Variants in UBXN7 observed in about 807,000 individuals in gnomAD.
UBXN7 encodes UBX domain-containing protein 7.
A neutral mutation model predicts 58.0 loss-of-function variants in UBXN7; 9 were observed. The observed-to-expected ratio is 0.16, with a 90% CI of 0.09 to 0.27. UBXN7 has a LOEUF of 0.27. Among genes scored for constraint, UBXN7 ranks in the 10% least tolerant of loss-of-function variants. The pLI is 1.00. For missense variants in UBXN7, 328 were observed against 599.6 expected, an observed-to-expected ratio of 0.55 and a Z score of 4.73; for synonymous variants, 208 against 205.0, an observed-to-expected ratio of 1.01 and a Z score of -0.12.
intron 1 of UBXN7, among the ~76,000 whole-genome samples, chr3:196,429,631 AC>A (rs1280945894): frequency 7.2e-5 from 11 of 152,228 alleles, no homozygotes; most frequent in African/African-American, 2.7e-4. Flanking sequence ...AATATAAAAT[AC>A]CTTTTAATTA....
In UBXN7 at chr3:196,349,120, T is replaced by A. The variant is rs1728154966; in HGVS notation, c.*7565A>T. 1 of 152,220 alleles carries A rather than the reference T, an allele frequency of 6.6e-6. No homozygotes were observed. Among genetic ancestry groups the A allele is most frequent in the African/African-American group, 2.4e-5 (1 of 41,452 alleles). The allele number at this position is 152,220 out of a possible 1,614,324, so 9.4% of individuals were successfully genotyped here. A position where few individuals can be genotyped will look rare whatever the true frequency, so the allele number is the denominator to read the frequency against. ...TCAAAGTCTAAGTATCGTGTTAGCA[T>A]CAACTGGTACTCATTTCTCTATATC... is the stretch of plus-strand genomic sequence containing the variant. On this transcript the variant is annotated 3_prime_UTR_variant, in exon 11 of 11. Transcript: ENST00000296328.
Position 196,432,176 on chromosome 3 carries a change from C to A in UBXN7, c.73+151G>T, listed in dbSNP as rs1292620336. 4 of 1,107,416 alleles carry A rather than the reference C, an allele frequency of 3.6e-6. No individual in the cohort carries two copies. In the East Asian group the frequency reaches 1.0e-4, roughly 29 times the overall value. The allele number at this position is 1,107,416 out of a possible 1,614,324, so 68.6% of individuals were successfully genotyped here. A position where few individuals can be genotyped will look rare whatever the true frequency, so the allele number is the denominator to read the frequency against. On this transcript the variant is annotated intron_variant, in intron 1 of 10. Coordinates refer to ENST00000296328, the MANE Select transcript of UBXN7 (RefSeq NM_015562.2). ...GTCTCCCGCCTGAACCCGGAGACCC[C>A]GACGCCGTCGTCGCCTCTTCCTCAG...
intron 1 of UBXN7, among the ~76,000 whole-genome samples, chr3:196,414,155 TTGTA>T (rs1172350405): frequency 6.6e-6 from 1 of 152,108 alleles, no homozygotes; most frequent in African/African-American, 2.4e-5. Flanking sequence ...TGGCTAATTT[TTGTA>T]TGTTTAGTAG....
intron 1 of UBXN7, among the ~76,000 whole-genome samples, chr3:196,429,903 A>C (rs1201547307): frequency 6.6e-6 from 1 of 152,210 alleles, no homozygotes; most frequent in Non-Finnish European, 1.5e-5. Context: ...GACGAACAGA[A>C]ACAGAATTAA....
rs1310664431 is a variant in UBXN7, at chr3:196,355,215, T to G, written c.*1470A>C. On this transcript the variant is annotated 3_prime_UTR_variant, in exon 11 of 11. Transcript: ENST00000296328. ...TCTAAATCCTCAACTGACAAAAAGG[T>G]CCATTTAATATTTTTCATTTTACAA... is the stretch of plus-strand genomic sequence containing the variant. 1.3e-5 allele frequency: 2 copies of G among 151,958 alleles called. No individual in the cohort carries two copies. The highest frequency in any genetic ancestry group is 2.9e-5 in the Non-Finnish European group (2 of 67,990). The allele number at this position is 151,958 out of a possible 1,614,324, so 9.4% of individuals were successfully genotyped here.
chr3:196,392,740 T>C (rs1438146815), intron 4 of UBXN7, among the ~76,000 whole-genome samples: 1 of 151,896 alleles, frequency 6.6e-6, no homozygotes, highest in South Asian at 2.1e-4. Flanking sequence ...GAGGTGAAGG[T>C]TGCAGTAAGC....
intron 7 of UBXN7, 27 bp downstream of exon 7, chr3:196,369,394 A>T: frequency 6.5e-7 from 1 of 1,528,556 alleles, no homozygotes; most frequent in Non-Finnish European, 9.0e-7. Context: ...TAATAGGTTA[A>T]AAGCTGCGTG....
At position 196,349,036 on chromosome 3, in the gene UBXN7, C is replaced by T. The variant is rs1008743607; in HGVS notation, c.*7649G>A. 6.6e-6 allele frequency: 1 copy of T among 152,204 alleles called. No homozygotes were observed. Among genetic ancestry groups the T allele is most frequent in the Non-Finnish European group, 1.5e-5 (1 of 68,040 alleles). 9.4% of individuals were successfully genotyped at this position (152,204 alleles called of 1,614,324 possible). A position where few individuals can be genotyped will look rare whatever the true frequency, so the allele number is the denominator to read the frequency against. On this transcript the variant is annotated 3_prime_UTR_variant, in exon 11 of 11. Coordinates refer to ENST00000296328, the MANE Select transcript of UBXN7 (RefSeq NM_015562.2). ...AAACCATTCTGGAAAAAAAGATTAT[C>T]AGAGGAGTGAAGAAAACCGTGTCTA...
chr3:196,350,399 AG>A lies in UBXN7; in HGVS notation c.*6285del, dbSNP rs929252978. On this transcript the variant is annotated 3_prime_UTR_variant, in exon 11 of 11. Transcript: ENST00000296328. ...AACTAGGGAGAAAATGAGCTATAAAAGTAAGTTTGCCTCAAAAATGTCCTTC... is the reference window on the plus strand; with the variant it reads ...AACTAGGGAGAAAATGAGCTATAAAATAAGTTTGCCTCAAAAATGTCCTTC... The A allele has an allele frequency of 6.6e-6, 1 of 152,250 alleles. No homozygotes were observed. Among genetic ancestry groups the A allele is most frequent in the Non-Finnish European group, 1.5e-5 (1 of 68,042 alleles). 9.4% of individuals were successfully genotyped at this position (152,250 alleles called of 1,614,324 possible).
At chr3:196,415,063 T>C (rs994095294) in intron 1 of UBXN7, among the ~76,000 whole-genome samples, 6 of 152,154 alleles carry the variant, frequency 3.9e-5, no homozygotes, top group East Asian at 1.9e-4. Flanking sequence ...TGCTACCATA[T>C]TCTTACTCAT....
intron 8 of UBXN7, among the ~76,000 whole-genome samples, chr3:196,365,196 C>T (rs1436318893): frequency 6.8e-6 from 1 of 146,524 alleles, no homozygotes; most frequent in Non-Finnish European, 1.5e-5. Flanking sequence ...GAATTAAATG[C>T]TTATATTAGA....
intron 3 of UBXN7, among the ~76,000 whole-genome samples, chr3:196,394,639 G>C (rs1027391084): frequency 6.6e-6 from 1 of 151,972 alleles, no homozygotes; most frequent in African/African-American, 2.4e-5. Context: ...TAATATCCAA[G>C]TGGTGATATC....
chr3:196,361,281 G>A (rs1430836911), intron 10 of UBXN7, among the ~76,000 whole-genome samples: 1 of 152,048 alleles, frequency 6.6e-6, no homozygotes. Flanking sequence ...AAAGGGAGGG[G>A]GGTTGCTTCT....
intron 1 of UBXN7, chr3:196,431,829 G>C (rs557632445): frequency 2.5e-6 from 1 of 400,944 alleles, no homozygotes; most frequent in Non-Finnish European, 5.1e-6. Context: ...CCAGGGCCAC[G>C]GCGATGGCTC....
chr3:196,428,357 G>A (rs1017910540), intron 1 of UBXN7, among the ~76,000 whole-genome samples: 2 of 151,642 alleles, frequency 1.3e-5, no homozygotes, highest in Non-Finnish European at 1.5e-5. Flanking sequence ...TGGAGGCTGA[G>A]GCAGGAGAAT....
chr3:196,401,218 CCTGA>C (rs751370145), intron 3 of UBXN7, among the ~76,000 whole-genome samples: 74 of 101,854 alleles, frequency 7.3e-4, no homozygotes, highest in Non-Finnish European at 1.2e-3. Context: ...TCAAGATCAG[CCTGA>C]CTAACATGGA....
chr3:196,359,867 T>C (rs888018804), intron 10 of UBXN7, among the ~76,000 whole-genome samples: 10 of 151,538 alleles, frequency 6.6e-5, no homozygotes, highest in Admixed American at 6.6e-4. Context: ...GATCGCACCA[T>C]TGTACTCTAG....
chr3:196,367,858 T>G (rs1206254925), intron 8 of UBXN7, among the ~76,000 whole-genome samples, 170 bp downstream of exon 8: 1 of 152,192 alleles, frequency 6.6e-6, no homozygotes, highest in African/African-American at 2.4e-5. Context: ...GATGGAACTC[T>G]CATGTGGGAA....
intron 5 of UBXN7, among the ~76,000 whole-genome samples, chr3:196,382,382 C>T (rs1272328225): frequency 6.6e-6 from 1 of 152,148 alleles, no homozygotes; most frequent in African/African-American, 2.4e-5. Flanking sequence ...CATATCCAGC[C>T]AAACTAAGCT....
Sources: gnomAD v4.1 joint callset for allele counts (sites outside exome capture counted in the v4.1 genomes callset) on GRCh38, gnomAD v4.1.1 for gene constraint, MANE v1.5 for transcripts, NCBI Gene and HGNC (gene_info 2026-07-23, HGNC 2026-07-21) for gene names.